Variants in PHIP observed in about 807,000 individuals in gnomAD.
PHIP encodes the protein PH-interacting protein.
PHIP carries 54 observed loss-of-function variants against 236.8 expected under a neutral mutation model. The observed-to-expected ratio is 0.23, with a 90% CI of 0.18 to 0.29. The LOEUF is 0.29. Among genes scored for constraint, PHIP ranks in the 10% least tolerant of loss-of-function variants. PHIP has a pLI of 1.00. For missense variants in PHIP, 1,370 were observed against 2,190.8 expected, an observed-to-expected ratio of 0.63 and a Z score of 7.48; for synonymous variants, 756 against 718.9, an observed-to-expected ratio of 1.05 and a Z score of -0.83.
At chr6:79,013,326 T>A (rs1770685625) in intron 15 of PHIP, among the ~76,000 whole-genome samples, 1 of 151,720 alleles carries the variant, frequency 6.6e-6, no homozygotes, top group South Asian at 2.1e-4. Flanking sequence ...TTTTTAGCTT[T>A]TTTGGTTTAT....
chr6:79,019,886 T>C (rs1329611458), intron 9 of PHIP, among the ~76,000 whole-genome samples: 4 of 152,130 alleles, frequency 2.6e-5, no homozygotes, highest in Non-Finnish European at 5.9e-5. Flanking sequence ...AAAATGAAGA[T>C]TTTTATCATG....
chr6:79,076,731 C>A (rs1479859676), intron 4 of PHIP, among the ~76,000 whole-genome samples: 1 of 151,960 alleles, frequency 6.6e-6, no homozygotes, highest in African/African-American at 2.4e-5. Context: ...TTTAATTAAA[C>A]GAGAGGCATA....
At chr6:79,049,734 G>A (rs1772690155) in intron 6 of PHIP, among the ~76,000 whole-genome samples, 1 of 152,042 alleles carries the variant, frequency 6.6e-6, no homozygotes, top group Non-Finnish European at 1.5e-5. Context: ...GATTTTCCAA[G>A]AAAATAATGC....
intron 9 of PHIP, among the ~76,000 whole-genome samples, chr6:79,025,013 C>T (rs1040855829): frequency 4.6e-5 from 7 of 152,064 alleles, no homozygotes; most frequent in African/African-American, 1.4e-4. Context: ...GGCGACCGCA[C>T]AAATGCAAAA....
At chr6:78,960,556 C>A (rs1766708510) in intron 31 of PHIP, among the ~76,000 whole-genome samples, 2 of 151,428 alleles carry the variant, frequency 1.3e-5, no homozygotes. Flanking sequence ...GGGAGGACTT[C>A]TCCTTATCTC....
intron 16 of PHIP, 66 bp downstream of exon 16, chr6:79,003,664 A>G: frequency 8.5e-7 from 1 of 1,171,334 alleles, no homozygotes; most frequent in Non-Finnish European, 1.2e-6. Context: ...CCACTCCAAA[A>G]ACATACAACC....
chr6:78,978,164 T>A lies in PHIP; in HGVS notation c.2889+428A>T, dbSNP rs575574798. Among the ~76,000 whole-genome samples the A allele has an allele frequency of 3.9e-5, 6 of 152,258 alleles. No homozygotes were observed. In the East Asian group the frequency reaches 1.2e-3, roughly 29 times the overall value. On this transcript the variant is annotated intron_variant, in intron 24 of 39. Coordinates refer to ENST00000275034, the MANE Select transcript of PHIP (RefSeq NM_017934.7). ...TCTAAGATTATAGATTTTTTAAAGA[T>A]CTAATGAACTGTGAACACTGTGGGT...
In PHIP at chr6:79,030,461, T is replaced by A. The variant is rs891353812; in HGVS notation, c.601-4297A>T. 3.3e-5 allele frequency among the ~76,000 whole-genome samples: 5 copies of A among 152,196 alleles called. No homozygotes were observed. The South Asian group carries it at 1.0e-3, about 31-fold the overall frequency. ...TTGGCAAAGTAAGAAAACTTGAAAGTACAAAGTGTAAGTGAAAATAAGTGA... is the reference window on the plus strand; with the variant it reads ...TTGGCAAAGTAAGAAAACTTGAAAGAACAAAGTGTAAGTGAAAATAAGTGA... On this transcript the variant is annotated intron_variant, in intron 7 of 39. Coordinates refer to ENST00000275034, the MANE Select transcript of PHIP (RefSeq NM_017934.7).
intron 15 of PHIP, among the ~76,000 whole-genome samples, chr6:79,012,243 T>C (rs1770621775): frequency 1.3e-5 from 2 of 151,640 alleles, no homozygotes; most frequent in Admixed American, 6.6e-5. Context: ...GGAGAAATAT[T>C]AAAGTATTCT....
chr6:79,020,475 T>G (rs1562184786), intron 9 of PHIP, among the ~76,000 whole-genome samples: 1 of 152,178 alleles, frequency 6.6e-6, no homozygotes, highest in Non-Finnish European at 1.5e-5. Flanking sequence ...TTTAAGTAAA[T>G]TAATCTGAAT....
intron 6 of PHIP, 27 bp from the exon 7 acceptor site, chr6:79,043,030 T>C: frequency 6.4e-7 from 1 of 1,572,836 alleles, no homozygotes; most frequent in East Asian, 2.3e-5. Context: ...GGAAAATAAA[T>C]GTAATCTGGA....
chr6:78,998,722 C>T (rs1184118515), intron 17 of PHIP, among the ~76,000 whole-genome samples: 2 of 152,120 alleles, frequency 1.3e-5, no homozygotes, highest in African/African-American at 4.8e-5. Flanking sequence ...TGTTCGAAGT[C>T]ACATATCTAA....
intron 7 of PHIP, among the ~76,000 whole-genome samples, chr6:79,041,572 A>T (rs1301010854): frequency 6.6e-6 from 1 of 152,060 alleles, no homozygotes; most frequent in Non-Finnish European, 1.5e-5. Context: ...TCTTTCAAAC[A>T]TTAGAAAAAT....
intron 29 of PHIP, among the ~76,000 whole-genome samples, chr6:78,964,404 A>G (rs1766994681): frequency 6.6e-6 from 1 of 152,204 alleles, no homozygotes; most frequent in Non-Finnish European, 1.5e-5. Context: ...CTCAATTAAT[A>G]AAAGATTATT....
At chr6:79,059,694 G>T (rs1773269246) in intron 6 of PHIP, among the ~76,000 whole-genome samples, 1 of 148,512 alleles carries the variant, frequency 6.7e-6, no homozygotes. Context: ...GAAGAATTAA[G>T]TAAGATTTGA....
At chr6:79,023,965 C>A (rs185403088) in intron 9 of PHIP, among the ~76,000 whole-genome samples, 5 of 152,136 alleles carry the variant, frequency 3.3e-5, no homozygotes, top group Non-Finnish European at 5.9e-5. Flanking sequence ...ACAGTAGCAA[C>A]AATTAACAAT....
intron 36 of PHIP, among the ~76,000 whole-genome samples, chr6:78,947,193 T>C (rs886288220): frequency 6.6e-6 from 1 of 152,200 alleles, no homozygotes; most frequent in Non-Finnish European, 1.5e-5. Flanking sequence ...TTTGAACCTG[T>C]TTTCTATCTA....
intron 7 of PHIP, among the ~76,000 whole-genome samples, chr6:79,034,774 T>C (rs2071826404): frequency 6.6e-6 from 1 of 152,128 alleles, no homozygotes; most frequent in African/African-American, 2.4e-5. Context: ...TTCTGTTCAG[T>C]AATAAAGTAA....
chr6:79,025,633 C>A lies in PHIP; in HGVS notation c.823-14G>T, dbSNP rs1260730648. On this transcript the variant is annotated splice_polypyrimidine_tract_variant and intron_variant, in intron 8 of 39. Transcript: ENST00000275034. ...CAATGGTGAGAACTGAAAAGACAAT[C>A]ACAGAAAAAAAATCTTTACAAGAGT... 6 of 1,509,548 alleles carry A rather than the reference C, an allele frequency of 4.0e-6. No individual in the cohort carries two copies. The highest frequency in any genetic ancestry group is 2.4e-5 in the South Asian group (2 of 84,682). The allele number at this position is 1,509,548 out of a possible 1,614,324, so 93.5% of individuals were successfully genotyped here.
Sources: allele counts gnomAD v4.1 joint callset (sites outside exome capture counted in the v4.1 genomes callset), GRCh38; gene constraint gnomAD v4.1.1; transcripts MANE v1.5; gene names NCBI Gene and HGNC (gene_info 2026-07-23, HGNC 2026-07-21).